SLC38A9: variants seen among roughly 807,000 people sequenced by gnomAD.
SLC38A9 encodes the protein neutral amino acid transporter 9.
SLC38A9 carries 48 observed loss-of-function variants against 62.3 expected under a neutral mutation model. The observed-to-expected ratio is 0.77, with a 90% CI of 0.61 to 0.98. The LOEUF is 0.98. Among genes scored for constraint, SLC38A9 ranks in the 50% least tolerant of loss-of-function variants. The probability of loss-of-function intolerance (pLI) is 0.00; values close to 1 mark genes in which losing one functional copy is unlikely to be tolerated. For synonymous variants in SLC38A9, 204 were observed against 227.7 expected (o/e 0.90, Z 0.94); for missense variants, 541 against 679.8 (o/e 0.80, Z 2.27).
intron 2 of SLC38A9, among the ~76,000 whole-genome samples, chr5:55,709,381 AT>A (rs768763461): frequency 0.043 from 6,365 of 147,788 alleles, 172 homozygotes; most frequent in African/African-American, 0.087. Flanking sequence ...CCTCTAAGTG[AT>A]TTTTTTTTTT....
chr5:55,665,000 T>C (rs1417614048), intron 7 of SLC38A9, 137 bp from the exon 8 acceptor site: 1 of 427,858 alleles, frequency 2.3e-6, no homozygotes, highest in African/African-American at 2.1e-5. Flanking sequence ...GAATATATTA[T>C]AAGATAATAA....
intron 9 of SLC38A9, among the ~76,000 whole-genome samples, chr5:55,656,150 T>A (rs56191944): frequency 2.0e-5 from 3 of 151,568 alleles, no homozygotes; most frequent in African/African-American, 7.3e-5. Flanking sequence ...AAATTGTGAA[T>A]TGTATAATAT....
At chr5:55,695,544 A>C (rs1352814015) in intron 3 of SLC38A9, among the ~76,000 whole-genome samples, 1 of 104,020 alleles carries the variant, frequency 9.6e-6, no homozygotes, top group East Asian at 2.3e-4. Context: ...TTTAACTCTG[A>C]GTGGACACAG....
chr5:55,668,108 G>T (rs1750766336), intron 7 of SLC38A9, among the ~76,000 whole-genome samples: 1 of 152,160 alleles, frequency 6.6e-6, no homozygotes, highest in Admixed American at 6.5e-5. Flanking sequence ...GGAAGTCCAG[G>T]CAGCAGTGAG....
At chr5:55,633,641 C>A in intron 14 of SLC38A9, 113 bp downstream of exon 14, 1 of 1,423,936 alleles carries the variant, frequency 7.0e-7, no homozygotes, top group Non-Finnish European at 9.5e-7. Flanking sequence ...TCTTTAGTCA[C>A]CACTTGCATT....
chr5:55,706,124 G>A (rs1757262239), intron 2 of SLC38A9, among the ~76,000 whole-genome samples: 1 of 152,140 alleles, frequency 6.6e-6, no homozygotes, highest in Non-Finnish European at 1.5e-5. Context: ...GCTAGTTTAG[G>A]TAAATTTCTT....
At chr5:55,635,806 C>A in intron 12 of SLC38A9, 149 bp from the exon 13 acceptor site, 1 of 588,328 alleles carries the variant, frequency 1.7e-6, no homozygotes, top group Non-Finnish European at 3.0e-6. Context: ...AATTTGTTCA[C>A]AGAAAGTAGT....
intron 3 of SLC38A9, among the ~76,000 whole-genome samples, chr5:55,674,547 T>C (rs1751818360): frequency 6.6e-6 from 1 of 152,166 alleles, no homozygotes; most frequent in Non-Finnish European, 1.5e-5. Flanking sequence ...TTCCACAATG[T>C]TGTGATAAGC....
chr5:55,635,611 A>G lies in SLC38A9; in HGVS notation c.1214T>C (p.Leu405Pro), dbSNP rs759112987. ...AGCAAAAACCAGGACTCCAATATAG[A>G]GATAAGTTAATGTCACCAGCATATA... ...IAYMLVTLTY[L>P]YIGVLVFASF... The change falls in exon 13 of 16, where the codon CTC (leucine) becomes CCC (proline). Residue 405 changes from leucine to proline, a missense_variant. Coordinates refer to ENST00000396865, the MANE Select transcript of SLC38A9 (RefSeq NM_173514.4). 1.4e-5 allele frequency: 23 copies of G among 1,613,850 alleles called. No individual in the cohort carries two copies. Among genetic ancestry groups the G allele is most frequent in the African/African-American group, 4.0e-5 (3 of 74,930 alleles).
chr5:55,662,256 C>T (rs192177410), intron 8 of SLC38A9, among the ~76,000 whole-genome samples: 73 of 152,100 alleles, frequency 4.8e-4, no homozygotes, highest in East Asian at 1.5e-3. Flanking sequence ...TGTTTATCAA[C>T]GAGAACAGAT....
chr5:55,687,611 T>C (rs112790731), intron 3 of SLC38A9, among the ~76,000 whole-genome samples: 1 of 152,160 alleles, frequency 6.6e-6, no homozygotes, highest in African/African-American at 2.4e-5. Flanking sequence ...CTCTGATTTC[T>C]TTGAGCAGCA....
At chr5:55,691,222 G>A in intron 3 of SLC38A9, 1 of 1,021,030 alleles carries the variant, frequency 9.8e-7, no homozygotes, top group Non-Finnish European at 1.5e-6. Flanking sequence ...AATAGCCATG[G>A]AAATGTAATA....
In SLC38A9 at chr5:55,626,361, T is replaced by C; in HGVS notation, c.*133A>G. On this transcript the variant is annotated 3_prime_UTR_variant, in exon 16 of 16. Transcript: ENST00000396865. ...AAAATACTCATTAAGGGGCCACTAT[T>C]TCCCTTGCTTTCAAATTATCTTAGA... 1.2e-6 allele frequency: 1 copy of C among 831,416 alleles called. No individual in the cohort carries two copies. Among genetic ancestry groups the C allele is most frequent in the East Asian group, 2.7e-5 (1 of 37,398 alleles). 51.5% of individuals were successfully genotyped at this position (831,416 alleles called of 1,614,324 possible).
intron 14 of SLC38A9, among the ~76,000 whole-genome samples, chr5:55,630,252 A>C (rs1051750249): frequency 4.6e-5 from 7 of 152,222 alleles, no homozygotes; most frequent in Non-Finnish European, 8.8e-5. Flanking sequence ...GAGGAGAATC[A>C]ATTGTCTGCT....
rs558721202 is a variant in SLC38A9 at position 55,678,718 on chromosome 5, G to A, written c.114-6023C>T. Among the ~76,000 whole-genome samples, 8 of 140,972 alleles carry A rather than the reference G, an allele frequency of 5.7e-5. No individual in the cohort carries two copies. In the South Asian group the frequency reaches 6.8e-4, roughly 12 times the overall value. The allele number at this position is 140,972 out of a possible 152,430, so 92.5% of individuals were successfully genotyped here. A position where few individuals can be genotyped will look rare whatever the true frequency, so the allele number is the denominator to read the frequency against. On this transcript the variant is annotated intron_variant, in intron 3 of 15. Coordinates refer to ENST00000396865, the MANE Select transcript of SLC38A9 (RefSeq NM_173514.4). The stretch of plus-strand genomic sequence containing the variant: ...GTCACCCAGGTTGGAGTGTAGTGGC[G>A]GTATGATCATTGGCTCACTATTACC...
chr5:55,658,931 C>A (rs114148788), intron 8 of SLC38A9, among the ~76,000 whole-genome samples: 1,609 of 152,236 alleles, frequency 0.011, 24 homozygotes, highest in African/African-American at 0.037. Context: ...CCCCACAATA[C>A]AAGGATGGTT....
At chr5:55,635,169 G>C (rs1415484274) in intron 13 of SLC38A9, 1 of 196,662 alleles carries the variant, frequency 5.1e-6, no homozygotes, top group African/African-American at 2.4e-5. Flanking sequence ...AAAATAGGGA[G>C]TTCCTTCAAT....
At chr5:55,670,033 C>T (rs1448147157) in intron 4 of SLC38A9, among the ~76,000 whole-genome samples, 154 bp from the exon 5 acceptor site, 2 of 152,088 alleles carry the variant, frequency 1.3e-5, no homozygotes, top group African/African-American at 4.8e-5. Flanking sequence ...GACGCGATCT[C>T]GGCTCACTGC....
At chr5:55,697,799 T>C (rs1332054667) in intron 3 of SLC38A9, 47 bp downstream of exon 3, 1 of 945,626 alleles carries the variant, frequency 1.1e-6, no homozygotes, top group African/African-American at 1.7e-5. Flanking sequence ...TGTATTTTAA[T>C]CATTAAAGAC....
Sources: gnomAD v4.1 joint callset for allele counts (sites outside exome capture counted in the v4.1 genomes callset) on GRCh38, gnomAD v4.1.1 for gene constraint, MANE v1.5 for transcripts, NCBI Gene and HGNC (gene_info 2026-07-23, HGNC 2026-07-21) for gene names.